Variants in THBS4 observed in about 807,000 individuals in gnomAD.
THBS4 encodes the protein thrombospondin 4, also known as thrombospondin-4.
Under a neutral mutation model 115.7 loss-of-function variants are expected in THBS4, and 90 were observed. The observed-to-expected ratio is 0.78, with a 90% CI of 0.66 to 0.93. THBS4 has a LOEUF of 0.93. Among genes scored for constraint, THBS4 ranks in the 40% least tolerant of loss-of-function variants. THBS4 has a pLI of 0.00. For synonymous variants in THBS4, 460 were observed against 479.3 expected (o/e 0.96, Z 0.53); for missense variants, 1,087 against 1,232.7 (o/e 0.88, Z 1.77).
chr5:80,042,899 GA>G (rs948200128), intron 2 of THBS4, among the ~76,000 whole-genome samples: 1 of 152,076 alleles, frequency 6.6e-6, no homozygotes, highest in African/African-American at 2.4e-5. Context: ...CCAGGAGGCA[GA>G]GGTTGCAGTG....
chr5:80,002,040 C>T (rs1056186927), intron 2 of THBS4, among the ~76,000 whole-genome samples: 1 of 151,996 alleles, frequency 6.6e-6, no homozygotes, highest in African/African-American at 2.4e-5. Context: ...AGTGTAGTAT[C>T]TCTATTTTCA....
At chr5:80,027,894 C>CAAAA (rs1159986888) in intron 2 of THBS4, among the ~76,000 whole-genome samples, 850 of 46,966 alleles carry the variant, frequency 0.018, 12 homozygotes, top group African/African-American at 0.033. Context: ...ACCCTGTCTC[C>CAAAA]AAAAAAAAAA....
chr5:80,005,573 A>G (rs1231070355), intron 2 of THBS4, among the ~76,000 whole-genome samples: 4 of 152,144 alleles, frequency 2.6e-5, no homozygotes, highest in Middle Eastern at 3.2e-3. Flanking sequence ...ACTGGGGTCC[A>G]GGCTCTGCTG....
chr5:80,007,215 C>T (rs1230458325), intron 2 of THBS4, among the ~76,000 whole-genome samples: 1 of 152,204 alleles, frequency 6.6e-6, no homozygotes, highest in African/African-American at 2.4e-5. Flanking sequence ...TGACTAGATA[C>T]TAACAGGGAG....
At chr5:80,061,399 C>G (rs1177556955) in intron 7 of THBS4, among the ~76,000 whole-genome samples, 4 of 152,112 alleles carry the variant, frequency 2.6e-5, no homozygotes, top group African/African-American at 9.7e-5. Flanking sequence ...TTGCAAATTC[C>G]ATGTCAGAAT....
At position 80,079,183 on chromosome 5, in the gene THBS4, G is replaced by A; in HGVS notation, c.2436G>A (p.Met812Ile). ...YQDSSSFYVV[M>I]WKQTEQTYWQ... ...ATAGCTCCAGCTTCTACGTGGTCAT[G>A]TGGAAGCAGACGGAGCAGACATATT... Residue 812 changes from methionine (M) to isoleucine (I), a missense_variant, in exon 19 of 22, where the codon ATG becomes ATA. Transcript: ENST00000350881. 6.2e-7 allele frequency: 1 copy of A among 1,614,224 alleles called. No individual in the cohort carries two copies. Among genetic ancestry groups the A allele is most frequent in the Non-Finnish European group, 8.5e-7 (1 of 1,180,032 alleles).
chr5:80,065,336 C>T, intron 8 of THBS4, 73 bp from the exon 9 acceptor site: 2 of 1,374,594 alleles, frequency 1.5e-6, no homozygotes, highest in South Asian at 1.2e-5. Flanking sequence ...GATAGCAAAA[C>T]AAAGGAGATT....
chr5:80,030,699 G>T (rs562547817), upstream of THBS4, among the ~76,000 whole-genome samples: 2 of 151,970 alleles, frequency 1.3e-5, no homozygotes, highest in Non-Finnish European at 2.9e-5. Context: ...ATAGAGATGA[G>T]GTCTCACTAT....
At chr5:80,063,295 G>A (rs1039855585) in intron 8 of THBS4, among the ~76,000 whole-genome samples, 7 of 152,166 alleles carry the variant, frequency 4.6e-5, no homozygotes, top group Admixed American at 3.3e-4. Context: ...GTAATGGTGA[G>A]CATTTTTTCA....
At chr5:80,053,533 A>AAT (rs2112077170) in intron 2 of THBS4, among the ~76,000 whole-genome samples, 1 of 152,138 alleles carries the variant, frequency 6.6e-6, no homozygotes, top group Admixed American at 6.5e-5. Context: ...GTTCTGATGC[A>AAT]TGTGACTAAA....
intron 20 of THBS4, 126 bp from the exon 21 acceptor site, chr5:80,082,280 A>G: frequency 7.5e-7 from 1 of 1,328,872 alleles, no homozygotes; most frequent in South Asian, 1.4e-5. Context: ...TCAGCGAAAA[A>G]TGGAGCCTAA....
intron 1 of THBS4, among the ~76,000 whole-genome samples, chr5:80,036,470 A>AC (rs1832722961): frequency 6.6e-6 from 1 of 152,212 alleles, no homozygotes; most frequent in African/African-American, 2.4e-5. Context: ...TATGCAATGC[A>AC]CCCATGTAAC....
rs771128630 is a variant in THBS4 at position 80,068,105 on chromosome 5, CA to C, written c.1328del (p.Gln443ArgfsTer4). The C allele has an allele frequency of 6.2e-7, 1 of 1,614,026 alleles. No individual in the cohort carries two copies. The highest frequency in any genetic ancestry group is 8.5e-7 in the Non-Finnish European group (1 of 1,180,004). ...SVNAQCIEER[Q>X]GDVTCVCGVG... ...GAATGCCCAGTGCATTGAAGAGAGG[CA>C]GGGGGATGTGACATGTGTGGTAAGT... On this transcript the variant is annotated frameshift_variant, in exon 10 of 22. Coordinates refer to ENST00000350881, the MANE Select transcript of THBS4 (RefSeq NM_003248.6). LOFTEE classifies it high-confidence loss of function.
In THBS4 at chr5:80,040,205, A is replaced by G. The variant is rs372241107; in HGVS notation, c.217A>G (p.Thr73Ala). 14 of 1,614,058 alleles carry G rather than the reference A, an allele frequency of 8.7e-6. 1 individual carries two copies. In the African/African-American group the frequency reaches 9.3e-5, roughly 11 times the overall value. Residue 73 changes from threonine to alanine, a missense_variant, in exon 2 of 22, where the codon ACC (threonine) becomes GCC (alanine). Thr to Ala is a moderately conservative substitution (Grantham distance 58, BLOSUM62 0). Coordinates refer to ENST00000350881, the MANE Select transcript of THBS4 (RefSeq NM_003248.6). ...CAAGCTGCAGACTAAAAGTTCAGCC[A>G]CCATCTTCGGTCTTTACTCTTCAAC... ...TFKLQTKSSATIFGLYSSTDN... is the reference protein window; with the variant it reads ...TFKLQTKSSAAIFGLYSSTDN...
chr5:80,020,058 A>G (rs1832332159), intron 2 of THBS4: 2 of 153,220 alleles, frequency 1.3e-5, no homozygotes, highest in African/African-American at 4.8e-5. Context: ...TCGCAGCCAC[A>G]TTGTATTCTG....
At chr5:80,082,655 T>G (rs1316739470) in intron 21 of THBS4, 110 bp downstream of exon 21, 15 of 1,349,880 alleles carry the variant, frequency 1.1e-5, no homozygotes, top group Middle Eastern at 2.0e-4. Flanking sequence ...TCATACCACA[T>G]AGTCATTAAA....
At chr5:80,056,150 C>A in intron 3 of THBS4, 118 bp downstream of exon 3, 1 of 1,244,064 alleles carries the variant, frequency 8.0e-7, no homozygotes, top group Non-Finnish European at 1.1e-6. Flanking sequence ...GCCGCTTGCA[C>A]ATCAGAATCA....
chr5:79,991,692 C>T (rs1291177109), intron 1 of THBS4, among the ~76,000 whole-genome samples: 2 of 152,194 alleles, frequency 1.3e-5, no homozygotes. Context: ...TGTTCTCACC[C>T]TCATGTTCAC....
intron 15 of THBS4, among the ~76,000 whole-genome samples, chr5:80,073,758 G>C (rs911907254): frequency 6.6e-6 from 1 of 152,124 alleles, no homozygotes; most frequent in African/African-American, 2.4e-5. Context: ...TGAGCTGCTG[G>C]TGGGATAATA....
Sources: gnomAD v4.1 joint callset for allele counts (sites outside exome capture counted in the v4.1 genomes callset) on GRCh38, gnomAD v4.1.1 for gene constraint, MANE v1.5 for transcripts, NCBI Gene and HGNC (gene_info 2026-07-23, HGNC 2026-07-21) for gene names.